The following EPHB4 variants were observed in gnomAD, a reference collection of about 807,000 sequenced individuals.
The protein encoded by EPHB4 is EPH receptor B4.
EPHB4 carries 50 observed loss-of-function variants against 110.6 expected under a neutral mutation model. That is an observed-to-expected ratio of 0.45 (90% CI 0.36 to 0.57). The LOEUF (loss-of-function observed/expected upper bound fraction) is 0.57. Ranked by LOEUF, EPHB4 falls within the 20% of genes least tolerant of loss-of-function variation. The probability of loss-of-function intolerance (pLI) is 0.00; values close to 1 mark genes in which losing one functional copy is unlikely to be tolerated. For missense variants in EPHB4, 1,128 were observed against 1,382.1 expected (o/e 0.82, Z 2.91); for synonymous variants, 592 against 578.4 (o/e 1.02, Z -0.34).
At chr7:100,818,281 C>T (rs547674272) in intron 7 of EPHB4, among the ~76,000 whole-genome samples, 2 of 152,284 alleles carry the variant, frequency 1.3e-5, no homozygotes, top group South Asian at 2.1e-4. Flanking sequence ...GTATTACAGG[C>T]GTGAGCCACC....
intron 4 of EPHB4, among the ~76,000 whole-genome samples, chr7:100,821,764 A>G (rs561666057): frequency 7.2e-5 from 11 of 152,114 alleles, no homozygotes; most frequent in African/African-American, 2.4e-4. Context: ...CCACTGTGTC[A>G]GGCAATACCT....
intron 8 of EPHB4, 97 bp from the exon 9 acceptor site, chr7:100,814,118 G>C: frequency 1.5e-6 from 2 of 1,351,486 alleles, no homozygotes; most frequent in Non-Finnish European, 2.0e-6. Context: ...CCTGAGAACA[G>C]GTCCCCAGTA....
In EPHB4 at chr7:100,802,733, G is replaced by C. The variant is rs1812724185; in HGVS notation, c.*728C>G. ...ACACCCCTTCATAGGACACAGCTTG[G>C]GGGTCCCAGGCGGGGTCCGGGGATG... On this transcript the variant is annotated 3_prime_UTR_variant, in exon 17 of 17. Coordinates refer to ENST00000358173, the MANE Select transcript of EPHB4 (RefSeq NM_004444.5). 1.3e-5 allele frequency: 2 copies of C among 152,200 alleles called. No homozygotes were observed. Among genetic ancestry groups the C allele is most frequent in the Admixed American group, 1.3e-4 (2 of 15,266 alleles). 9.4% of individuals were successfully genotyped at this position (152,200 alleles called of 1,614,324 possible). A position where few individuals can be genotyped will look rare whatever the true frequency, so the allele number is the denominator to read the frequency against.
Position 100,822,511 on chromosome 7 carries a change from G to C in EPHB4, c.568C>G (p.Leu190Val), listed in dbSNP as rs371330707. Residue 190 changes from leucine (L) to valine (V), a missense_variant, in exon 4 of 17, where the codon CTG (leucine) becomes GTG (valine). Transcript: ENST00000358173. The surrounding 1 kb of genome is among the most constrained non-coding windows in gnomAD (Gnocchi z 4.7). ...DQGACMALLS[L>V]HLFYKKCAQL... is the part of the protein sequence containing the mutation. The stretch of plus-strand genomic sequence containing the variant: ...GCGCACTTTTTGTAGAAGAGGTGCA[G>C]GGATAGCAGGGCCATGCAGGCACCC... 18 of 1,613,412 alleles carry C rather than the reference G, an allele frequency of 1.1e-5. No individual in the cohort carries two copies. The highest frequency in any genetic ancestry group is 8.5e-7 in the Non-Finnish European group (1 of 1,179,954).
At chr7:100,810,531 C>T (rs1375245145) in intron 12 of EPHB4, among the ~76,000 whole-genome samples, 1 of 151,808 alleles carries the variant, frequency 6.6e-6, no homozygotes, top group Non-Finnish European at 1.5e-5. Flanking sequence ...CGCTTGAGTC[C>T]AGGAGTTTGA....
intron 6 of EPHB4, 86 bp downstream of exon 6, chr7:100,819,471 A>C (rs574096278): frequency 9.6e-6 from 14 of 1,454,002 alleles, no homozygotes; most frequent in Non-Finnish European, 1.3e-5. Context: ...GGGGTACCCA[A>C]CTTCACAGCC....
At chr7:100,808,641 A>G (rs1812865433) in intron 12 of EPHB4, among the ~76,000 whole-genome samples, 1 of 152,196 alleles carries the variant, frequency 6.6e-6, no homozygotes, top group East Asian at 1.9e-4. Context: ...ATGACCAATG[A>G]TCGGTGCAAA....
chr7:100,819,926 G>A lies in EPHB4; in HGVS notation c.965-37C>T, dbSNP rs374337404. 198 of 1,519,380 alleles carry A rather than the reference G, an allele frequency of 1.3e-4. No individual in the cohort carries two copies. Among genetic ancestry groups the A allele is most frequent in the Non-Finnish European group, 1.6e-4 (181 of 1,128,352 alleles). The allele number at this position is 1,519,380 out of a possible 1,614,324, so 94.1% of individuals were successfully genotyped here. Reference sequence around the variant, plus strand: ...CAGGGAGTCAGGCAGAGGCCGACCTGCTCTGCGGTGGTGGGGAGAGGGCAA... The same window carrying A: ...CAGGGAGTCAGGCAGAGGCCGACCTACTCTGCGGTGGTGGGGAGAGGGCAA... On this transcript the variant is annotated intron_variant, in intron 5 of 16. Coordinates refer to ENST00000358173, the MANE Select transcript of EPHB4 (RefSeq NM_004444.5).
chr7:100,807,078 T>C (rs769521170), intron 13 of EPHB4, among the ~76,000 whole-genome samples: 6 of 152,204 alleles, frequency 3.9e-5, no homozygotes, highest in Non-Finnish European at 7.3e-5. Flanking sequence ...TCCTCCTGCC[T>C]CAACCTCCCA....
chr7:100,821,024 G>C (rs1036992812), intron 4 of EPHB4: 1 of 152,060 alleles, frequency 6.6e-6, no homozygotes, highest in South Asian at 2.1e-4. Context: ...CTCCTTGGGA[G>C]GCTGAGGCAG....
Position 100,824,208 on chromosome 7 carries a change from C to G in EPHB4, c.118G>C (p.Gly40Arg). The change falls in exon 2 of 17, where the codon GGG becomes CGG. Residue 40 changes from glycine (G) to arginine (R), a missense_variant. Coordinates refer to ENST00000358173, the MANE Select transcript of EPHB4 (RefSeq NM_004444.5). The part of the protein sequence containing the change: ...LKWVTFPQVD[G>R]QWEELSGLDE... ...CTCCTGGGTGCAGCTCTCACCTGCC[C>G]GTCCACCTGAGGGAATGTCACCCAC... 1 of 1,614,088 alleles carries G rather than the reference C, an allele frequency of 6.2e-7. No homozygotes were observed. The highest frequency in any genetic ancestry group is 8.5e-7 in the Non-Finnish European group (1 of 1,179,994).
rs767470095 is a variant in EPHB4 at position 100,805,539 on chromosome 7, G to A, written c.2640C>T (p.Asn880=). 15 of 1,527,286 alleles carry A rather than the reference G, an allele frequency of 9.8e-6. No individual in the cohort carries two copies. The highest frequency in any genetic ancestry group is 1.2e-5 in the Non-Finnish European group (14 of 1,138,014). 94.6% of individuals were successfully genotyped at this position (1,527,286 alleles called of 1,614,324 possible). A position where few individuals can be genotyped will look rare whatever the true frequency, so the allele number is the denominator to read the frequency against. Residue 880 remains asparagine (N), a synonymous_variant, in exon 15 of 17, where the codon AAC becomes AAT. Coordinates refer to ENST00000358173, the MANE Select transcript of EPHB4 (RefSeq NM_004444.5). ...VVSALDKMIR[N]PASLKIVARE... ...GGGCCACGATTTTGAGGCTGGCGGG[G>A]TTCCGGATCATCTTGTCCAGGGCGC... is the stretch of plus-strand genomic sequence containing the variant.
intron 1 of EPHB4, among the ~76,000 whole-genome samples, chr7:100,826,252 G>A (rs1562975873): frequency 1.3e-5 from 2 of 152,102 alleles, no homozygotes; most frequent in Non-Finnish European, 2.9e-5. Context: ...GTTAGTTAGG[G>A]CGATGTGGGG....
intron 8 of EPHB4, among the ~76,000 whole-genome samples, chr7:100,816,656 A>T (rs1049045187): frequency 2.5e-4 from 38 of 152,092 alleles, no homozygotes; most frequent in African/African-American, 8.9e-4. Flanking sequence ...TGATCGAGCA[A>T]CTGCGCTCCA....
At chr7:100,824,160 T>G (rs1247243824) in intron 2 of EPHB4, 43 bp downstream of exon 2, 2 of 1,613,364 alleles carry the variant, frequency 1.2e-6, no homozygotes, top group South Asian at 2.2e-5. Flanking sequence ...CTCTCCTCCC[T>G]CAGTTTCCCT....
In EPHB4 at chr7:100,823,732, T is replaced by C. The variant is rs780180360; in HGVS notation, c.323A>G (p.Lys108Arg). 3.2e-5 allele frequency: 52 copies of C among 1,613,534 alleles called. No homozygotes were observed. Among genetic ancestry groups the C allele is most frequent in the Non-Finnish European group, 4.4e-5 (52 of 1,179,960 alleles). ...LSLPRAGRSC[K>R]ETFTVFYYES... ...ATAGTAGAAGACGGTGAAGGTCTCC[T>C]TGCAGGAGCGCCCAGCCCGAGGCAG... The change falls in exon 3 of 17, where the codon AAG becomes AGG. Residue 108 changes from lysine (K) to arginine (R), a missense_variant. Lys to Arg is a conservative substitution (Grantham distance 26). Coordinates refer to ENST00000358173, the MANE Select transcript of EPHB4 (RefSeq NM_004444.5).
At chr7:100,826,189 G>A (rs945207875) in intron 1 of EPHB4, among the ~76,000 whole-genome samples, 2 of 152,196 alleles carry the variant, frequency 1.3e-5, no homozygotes, top group African/African-American at 2.4e-5. Context: ...GAGGGACAGC[G>A]ATCCATGGCC....
chr7:100,820,465 C>CAAAAAA (rs11447690), intron 4 of EPHB4, 169 bp from the exon 5 acceptor site: 19 of 330,348 alleles, frequency 5.8e-5, no homozygotes, highest in African/African-American at 5.2e-4. Context: ...ATCCCATCTC[C>CAAAAAA]AAAAAAAAAA....
Position 100,822,301 on chromosome 7 carries a change from C to T in EPHB4, c.778G>A (p.Glu260Lys), listed in dbSNP as rs776466072. The change falls in exon 4 of 17, where the codon GAG (glutamate) becomes AAG (lysine). Residue 260 changes from glutamate to lysine, a missense_variant. By Grantham distance (56) the Glu-to-Lys change is moderately conservative (BLOSUM62 1). This residue lies in a region of EPHB4 where 728 missense variants were observed against 828.6 expected (regional missense o/e 0.88). Transcript: ENST00000358173. The surrounding 1 kb of genome is among the most constrained non-coding windows in gnomAD (Gnocchi z 4.7). ...VTGCSCAPGF[E>K]AAEGNTKCRA... ...CACTTGGTGTTCCCCTCAGCTGCCT[C>T]GAACCCCGGAGCACAGCTGCAGCCC... is the stretch of plus-strand genomic sequence containing the variant. 5 of 1,565,232 alleles carry T rather than the reference C, an allele frequency of 3.2e-6. No homozygotes were observed. Among genetic ancestry groups the T allele is most frequent in the African/African-American group, 1.4e-5 (1 of 73,524 alleles).
Sources: allele counts gnomAD v4.1 joint callset (sites outside exome capture counted in the v4.1 genomes callset), GRCh38; gene constraint gnomAD v4.1.1; regional missense constraint gnomAD v4.1.1; non-coding constraint Gnocchi (gnomAD v3.1); transcripts MANE v1.5; gene names NCBI Gene and HGNC (gene_info 2026-07-23, HGNC 2026-07-21).